The following COL21A1 variants were observed in gnomAD, a reference collection of about 807,000 sequenced individuals.
COL21A1 encodes collagen alpha-1(XXI) chain.
In COL21A1, 149 loss-of-function variants were observed where a neutral mutation model predicts 137.9. The ratio of observed to expected loss-of-function variants is 1.08; its 90% CI spans 0.95 to 1.24. The LOEUF is 1.24. COL21A1 is among the 50% of genes most tolerant of loss of function. The probability of loss-of-function intolerance (pLI) is 0.00; values close to 1 mark genes in which losing one functional copy is unlikely to be tolerated. For synonymous variants in COL21A1, 456 were observed against 391.5 expected (o/e 1.16, Z -1.95); for missense variants, 1,167 against 1,158.4 (o/e 1.01, Z -0.11).
intron 1 of COL21A1, among the ~76,000 whole-genome samples, chr6:56,263,308 G>A (rs1317526180): frequency 6.6e-6 from 1 of 152,146 alleles, no homozygotes; most frequent in Non-Finnish European, 1.5e-5. Context: ...CTCTGGAATG[G>A]TCTACATCAG....
intron 1 of COL21A1, among the ~76,000 whole-genome samples, chr6:56,323,218 T>A (rs1764918370): frequency 6.6e-6 from 1 of 152,168 alleles, no homozygotes; most frequent in Non-Finnish European, 1.5e-5. Context: ...AAGCCTATAC[T>A]CATTTGTGCA....
rs141533819 is a variant in COL21A1 at position 56,134,465 on chromosome 6, A to C, written c.1542+7320T>G. On this transcript the variant is annotated intron_variant, in intron 12 of 29. Coordinates refer to ENST00000244728, the MANE Select transcript of COL21A1 (RefSeq NM_030820.4). ...AGTGGAAAGGACTTGCCTTGTCTCA[A>C]ATGAGACTTTGGACTATGGACTTTC... 8.5e-5 allele frequency among the ~76,000 whole-genome samples: 13 copies of C among 152,302 alleles called. No homozygotes were observed. The East Asian group carries it at 2.3e-3, about 27-fold the overall frequency.
At chr6:56,129,720 G>GAGAGAGAC (rs1773367568) in intron 12 of COL21A1, among the ~76,000 whole-genome samples, 1 of 148,380 alleles carries the variant, frequency 6.7e-6, no homozygotes, top group African/African-American at 2.5e-5. Context: ...GAGAGAGAGA[G>GAGAGAGAC]AGACAGACAG....
At chr6:56,308,625 A>G (rs72870217) in intron 1 of COL21A1, among the ~76,000 whole-genome samples, 2,051 of 152,344 alleles carry the variant, frequency 0.013, 22 homozygotes, top group Non-Finnish European at 0.021. Flanking sequence ...TCAGTCAAGC[A>G]AGATGAATAA....
intron 1 of COL21A1, among the ~76,000 whole-genome samples, chr6:56,288,036 CGTGA>C (rs1223328935): frequency 2.0e-5 from 3 of 152,036 alleles, no homozygotes; most frequent in African/African-American, 7.2e-5. Flanking sequence ...CAGTGAGACC[CGTGA>C]GTGAGTTCTA....
chr6:56,263,792 C>A (rs1285197322), intron 1 of COL21A1, among the ~76,000 whole-genome samples: 1 of 152,172 alleles, frequency 6.6e-6, no homozygotes, highest in African/African-American at 2.4e-5. Flanking sequence ...AAATGGAAAA[C>A]CGCTGTTTAA....
intron 1 of COL21A1, among the ~76,000 whole-genome samples, chr6:56,369,765 C>G (rs72875556): frequency 0.077 from 11,746 of 152,034 alleles, 733 homozygotes; most frequent in African/African-American, 0.17. Flanking sequence ...GCCATAAATA[C>G]GAAAAAATTG....
chr6:56,293,287 T>G (rs1471799707), intron 1 of COL21A1, among the ~76,000 whole-genome samples: 1 of 152,214 alleles, frequency 6.6e-6, no homozygotes, highest in Non-Finnish European at 1.5e-5. Flanking sequence ...CAATGTCATT[T>G]TATACGATCA....
At chr6:56,368,199 G>A (rs1766145500) in intron 1 of COL21A1, among the ~76,000 whole-genome samples, 1 of 152,094 alleles carries the variant, frequency 6.6e-6, no homozygotes, top group South Asian at 2.1e-4. Flanking sequence ...CAGAATATTT[G>A]TAATTTTTTA....
intron 14 of COL21A1, 88 bp downstream of exon 14, chr6:56,125,479 A>G (rs2152213454): frequency 1.1e-6 from 1 of 887,736 alleles, no homozygotes; most frequent in East Asian, 2.7e-5. Flanking sequence ...AACTGTTCTA[A>G]TGCTGGGTTA....
intron 1 of COL21A1, among the ~76,000 whole-genome samples, chr6:56,258,342 C>G (rs879855507): frequency 1.3e-5 from 2 of 152,104 alleles, no homozygotes; most frequent in Non-Finnish European, 2.9e-5. Flanking sequence ...ACCCTTCAGC[C>G]TCTGCCCAGC....
At chr6:56,233,399 C>A (rs903208822) in intron 1 of COL21A1, among the ~76,000 whole-genome samples, 2 of 151,454 alleles carry the variant, frequency 1.3e-5, no homozygotes, top group African/African-American at 4.8e-5. Context: ...AGTAAAAGGA[C>A]TCAGTTAAAT....
intron 10 of COL21A1, among the ~76,000 whole-genome samples, chr6:56,152,301 T>C (rs1301095646): frequency 6.6e-6 from 1 of 152,180 alleles, no homozygotes; most frequent in Non-Finnish European, 1.5e-5. Flanking sequence ...TAAAGACTTT[T>C]GTGTTTATAT....
At chr6:56,232,838 T>C (rs929693343) in intron 1 of COL21A1, among the ~76,000 whole-genome samples, 20 of 151,942 alleles carry the variant, frequency 1.3e-4, no homozygotes, top group African/African-American at 4.6e-4. Context: ...AAAATGACTC[T>C]TGTTCCTTTC....
chr6:56,175,281 C>T (rs1475703979), intron 3 of COL21A1, among the ~76,000 whole-genome samples: 2 of 151,904 alleles, frequency 1.3e-5, no homozygotes, highest in Non-Finnish European at 2.9e-5. Flanking sequence ...ATTGTACTAG[C>T]CAGAGGAATT....
intron 1 of COL21A1, among the ~76,000 whole-genome samples, chr6:56,196,419 A>C (rs1779029349): frequency 6.6e-6 from 1 of 152,128 alleles, no homozygotes; most frequent in African/African-American, 2.4e-5. Context: ...GAAAGGAAGA[A>C]GTAAGATTGT....
rs1440701769 is a variant in COL21A1 at position 56,124,464 on chromosome 6, A to G, written c.1651-172T>C. On this transcript the variant is annotated intron_variant, in intron 14 of 29. Transcript: ENST00000244728. ...CTATTTTACCAACCCAGTGGATGCA[A>G]TATCAAGACATTAAAAATGTTGATA... Among the ~76,000 whole-genome samples, 4 of 152,350 alleles carry G rather than the reference A, an allele frequency of 2.6e-5. No individual in the cohort carries two copies. In the East Asian group the frequency reaches 7.7e-4, roughly 29 times the overall value.
chr6:56,097,766 AAT>A (rs755702335), intron 17 of COL21A1, among the ~76,000 whole-genome samples: 3 of 107,172 alleles, frequency 2.8e-5, no homozygotes, highest in African/African-American at 7.0e-5. Context: ...TATATATATA[AAT>A]ATATATAAAT....
At chr6:56,338,210 C>T (rs757329089) in intron 1 of COL21A1, among the ~76,000 whole-genome samples, 5 of 151,982 alleles carry the variant, frequency 3.3e-5, no homozygotes, top group East Asian at 1.9e-4. Flanking sequence ...ATGATCTGCC[C>T]GCCTGAGCCT....
Sources: gnomAD v4.1 joint callset for allele counts (sites outside exome capture counted in the v4.1 genomes callset) on GRCh38, gnomAD v4.1.1 for gene constraint, MANE v1.5 for transcripts, NCBI Gene and HGNC (gene_info 2026-07-23, HGNC 2026-07-21) for gene names.